Variants in C3orf49 observed in about 807,000 individuals in gnomAD.
C3orf49 encodes the protein chromosome 3 open reading frame 49.
In C3orf49, 27 loss-of-function variants were observed where a neutral mutation model predicts 13.3. That is an observed-to-expected ratio of 2.02 (90% CI 1.49 to 2.79). C3orf49 has a LOEUF of 2.79. C3orf49 is among the 30% of genes most tolerant of loss of function. The pLI is 0.00. For synonymous variants in C3orf49, 87 were observed against 47.6 expected, an observed-to-expected ratio of 1.83 and a Z score of -3.40; for missense variants, 242 against 134.2, an observed-to-expected ratio of 1.80 and a Z score of -3.97.
At chr3:63,781,029 A>G in the C3orf49 span, among the ~76,000 whole-genome samples, 1 of 150,780 alleles carries the variant, frequency 6.6e-6, no homozygotes, top group African/African-American at 2.4e-5. Flanking sequence ...TTTTGTTGCC[A>G]TTGCTTTTGG....
the C3orf49 span, among the ~76,000 whole-genome samples, chr3:63,807,932 G>T: frequency 6.9e-6 from 1 of 145,780 alleles, no homozygotes; most frequent in Middle Eastern, 3.5e-3. Context: ...GGAAAGAAAA[G>T]AAAAGAAAAA....
intron 6 of C3orf49, chr3:63,846,294 ACTCCCTGG>A: frequency 2.5e-6 from 1 of 405,986 alleles, no homozygotes; most frequent in Non-Finnish European, 4.9e-6. Flanking sequence ...AGCGACTTGC[ACTCCCTGG>A]ACAAAAATGG....
intron 1 of C3orf49, among the ~76,000 whole-genome samples, chr3:63,821,805 G>C (rs1225201219): frequency 6.6e-6 from 1 of 152,104 alleles, no homozygotes; most frequent in Non-Finnish European, 1.5e-5. Flanking sequence ...GGGGGGACCA[G>C]TGGATAGTGG....
chr3:63,783,168 C>G, the C3orf49 span: 3 of 152,042 alleles, frequency 2.0e-5, no homozygotes, highest in Non-Finnish European at 4.4e-5. Flanking sequence ...CTCCTCTGTT[C>G]CAGCAAAACT....
chr3:63,814,938 T>C (rs1701307282), upstream of C3orf49, among the ~76,000 whole-genome samples: 1 of 152,158 alleles, frequency 6.6e-6, no homozygotes, highest in African/African-American at 2.4e-5. Flanking sequence ...GGCACCAGCA[T>C]CTGTTTTTTG....
the C3orf49 span, among the ~76,000 whole-genome samples, chr3:63,812,357 C>A: frequency 2.0e-5 from 3 of 152,280 alleles, no homozygotes; most frequent in African/African-American, 7.2e-5. Flanking sequence ...GGACCACATC[C>A]AAAGCCATCC....
At chr3:63,807,938 A>AAGAAAAG in the C3orf49 span, among the ~76,000 whole-genome samples, 1 of 151,668 alleles carries the variant, frequency 6.6e-6, no homozygotes, top group Non-Finnish European at 1.5e-5. Flanking sequence ...AAAAGAAAAG[A>AAGAAAAG]AAAAAAGAAA....
At chr3:63,840,228 C>G (rs1268587470) in intron 5 of C3orf49, among the ~76,000 whole-genome samples, 1 of 151,822 alleles carries the variant, frequency 6.6e-6, no homozygotes, top group African/African-American at 2.4e-5. Context: ...TGTTGAGAAG[C>G]ACTGACAAAA....
At chr3:63,789,021 G>T in the C3orf49 span, among the ~76,000 whole-genome samples, 4 of 152,036 alleles carry the variant, frequency 2.6e-5, no homozygotes, top group Non-Finnish European at 5.9e-5. Context: ...TTACAACAGG[G>T]GTTCCCCAAC....
the C3orf49 span, among the ~76,000 whole-genome samples, chr3:63,791,547 T>A: frequency 6.6e-6 from 1 of 152,190 alleles, no homozygotes; most frequent in Admixed American, 6.5e-5. Flanking sequence ...ACCATCAGAA[T>A]GCCTAGGGAG....
intron 5 of C3orf49, among the ~76,000 whole-genome samples, chr3:63,843,817 C>T (rs1327357984): frequency 1.3e-5 from 2 of 151,860 alleles, no homozygotes; most frequent in Admixed American, 1.3e-4. Context: ...AGGAGAATGG[C>T]GTGAACCCGG....
At chr3:63,821,535 C>T (rs546018213) in intron 1 of C3orf49, among the ~76,000 whole-genome samples, 1 of 152,126 alleles carries the variant, frequency 6.6e-6, no homozygotes, top group South Asian at 2.1e-4. Context: ...TAGCCCCAAA[C>T]TGGAAACAAC....
intron 5 of C3orf49, among the ~76,000 whole-genome samples, 162 bp from the exon 6 acceptor site, chr3:63,844,861 A>G (rs918781857): frequency 4.6e-5 from 7 of 152,236 alleles, no homozygotes; most frequent in African/African-American, 1.7e-4. Flanking sequence ...CTGGTATTCT[A>G]TTACAGCCTT....
chr3:63,797,970 C>T, the C3orf49 span, among the ~76,000 whole-genome samples: 1 of 152,114 alleles, frequency 6.6e-6, no homozygotes, highest in Non-Finnish European at 1.5e-5. Context: ...TTTCTAATAA[C>T]CCCAGAGATA....
At chr3:63,841,113 A>G (rs1559604019) in intron 5 of C3orf49, among the ~76,000 whole-genome samples, 1 of 152,246 alleles carries the variant, frequency 6.6e-6, no homozygotes, top group Non-Finnish European at 1.5e-5. Context: ...TACTGATACC[A>G]AAAAACTCTC....
chr3:63,836,242 A>G, intron 5 of C3orf49: 1 of 1,499,442 alleles, frequency 6.7e-7, no homozygotes, highest in Admixed American at 1.9e-5. Context: ...TGCCTACGGT[A>G]GTTTTCGAGC....
chr3:63,824,017 T>C (rs1575796331), intron 2 of C3orf49, among the ~76,000 whole-genome samples: 2 of 152,032 alleles, frequency 1.3e-5, no homozygotes, highest in Admixed American at 1.3e-4. Context: ...GCCAGGCTGG[T>C]CTTGAACTCC....
At chr3:63,833,950 A>G (rs1227708364) in intron 5 of C3orf49, 2 of 539,370 alleles carry the variant, frequency 3.7e-6, no homozygotes, top group African/African-American at 3.9e-5. Context: ...TTTAATAAAA[A>G]CAAATCTATA....
At chr3:63,791,860 TTTG>T in the C3orf49 span, among the ~76,000 whole-genome samples, 1 of 152,246 alleles carries the variant, frequency 6.6e-6, no homozygotes, top group Admixed American at 6.5e-5. Context: ...TCAGGACTTT[TTTG>T]TTGGTTTTGT....
Sources: gnomAD v4.1 joint callset for allele counts (sites outside exome capture counted in the v4.1 genomes callset) on GRCh38, gnomAD v4.1.1 for gene constraint, MANE v1.5 for transcripts, NCBI Gene and HGNC (gene_info 2026-07-23, HGNC 2026-07-21) for gene names.